SLC52A1: variants seen among roughly 807,000 people sequenced by gnomAD.
The protein encoded by SLC52A1 is solute carrier family 52 member 1, also known as solute carrier family 52, riboflavin transporter, member 1.
SLC52A1 carries 20 observed loss-of-function variants against 23.2 expected under a neutral mutation model. The observed-to-expected ratio is 0.86, with a 90% CI of 0.61 to 1.25. The LOEUF (loss-of-function observed/expected upper bound fraction) is 1.25. Among genes scored for constraint, SLC52A1 ranks in the 50% most tolerant of loss-of-function variants. The pLI is 0.00. For missense variants in SLC52A1, 528 were observed against 557.0 expected (o/e 0.95, Z 0.52); for synonymous variants, 260 against 256.6 (o/e 1.01, Z -0.13).
chr17:5,035,850 G>A (rs1312981513), upstream of SLC52A1, among the ~76,000 whole-genome samples: 1 of 148,392 alleles, frequency 6.7e-6, no homozygotes, highest in Admixed American at 6.8e-5. Flanking sequence ...GGGACCACAG[G>A]CGAGCATCAC....
upstream of SLC52A1, among the ~76,000 whole-genome samples, chr17:5,036,403 C>CTTTTTTTTT (rs34031349): frequency 3.4e-5 from 2 of 59,204 alleles, no homozygotes; most frequent in Non-Finnish European, 2.9e-5. Flanking sequence ...CTAATTTTTG[C>CTTTTTTTTT]TTTTTTTTTT....
chr17:5,034,686 G>A lies in SLC52A1; in HGVS notation c.-80C>T, dbSNP rs554360538. On this transcript the variant is annotated 5_prime_UTR_variant, in exon 2 of 5. Transcript: ENST00000254853. Reference sequence around the variant, plus strand: ...CCTAGGTAGGTCCAAAGATGCTTTGGTTCTTCTGGAAACTGAAGACCTTCT... The same window carrying A: ...CCTAGGTAGGTCCAAAGATGCTTTGATTCTTCTGGAAACTGAAGACCTTCT... The A allele has an allele frequency of 4.5e-6, 7 of 1,571,194 alleles. No homozygotes were observed. The African/African-American group carries it at 6.8e-5, about 15-fold the overall frequency.
At chr17:5,036,403 CTTTTTTTTTTTTTT>C (rs34031349), upstream of SLC52A1, among the ~76,000 whole-genome samples, 10 of 59,206 alleles carry the variant, frequency 1.7e-4, 1 homozygote, top group South Asian at 1.7e-3. Flanking sequence ...CTAATTTTTG[CTTTTTTTTTTTTTT>C]TTTTTTTTTT....
upstream of SLC52A1, among the ~76,000 whole-genome samples, chr17:5,038,353 C>T (rs1405839323): frequency 6.6e-6 from 1 of 151,854 alleles, no homozygotes; most frequent in East Asian, 1.9e-4. Flanking sequence ...GATTATGCCA[C>T]TGCACTCCAG....
At chr17:5,038,181 A>G (rs975062008), upstream of SLC52A1, among the ~76,000 whole-genome samples, 7 of 151,818 alleles carry the variant, frequency 4.6e-5, no homozygotes, top group Non-Finnish European at 1.0e-4. Flanking sequence ...CAGCCTCCCA[A>G]AGTGCTGGGA....
rs346824 is a variant in SLC52A1, at chr17:5,034,687, T to C, written c.-81A>G. The C allele has an allele frequency of 0.64, 1,002,840 of 1,560,830 alleles. 331,482 individuals are homozygous for C. Among genetic ancestry groups the C allele is most frequent in the African/African-American group, 0.82 (60,207 of 73,596 alleles). On this transcript the variant is annotated 5_prime_UTR_variant, in exon 2 of 5. Transcript: ENST00000254853. ...CTAGGTAGGTCCAAAGATGCTTTGGTTCTTCTGGAAACTGAAGACCTTCTA... is the reference window on the plus strand; with the variant it reads ...CTAGGTAGGTCCAAAGATGCTTTGGCTCTTCTGGAAACTGAAGACCTTCTA...
In SLC52A1 at chr17:5,033,097, C is replaced by T. The variant is rs1418799941; in HGVS notation, c.1207G>A (p.Gly403Arg). 1.2e-6 allele frequency: 2 copies of T among 1,613,766 alleles called. No individual in the cohort carries two copies. Among genetic ancestry groups the T allele is most frequent in the African/African-American group, 1.3e-5 (1 of 75,046 alleles). ...GCTGCCAGCAATGCCGGCCGACCCC[C>T]ACCATGCAGCAGGGAGCTTGCAGCC... ...KVAASSLLHG[G>R]GRPALLAAGV... Residue 403 changes from glycine to arginine, a missense_variant, in exon 5 of 5, where the codon GGG (glycine) becomes AGG (arginine). Gly to Arg is a moderately radical substitution (Grantham distance 125). Coordinates refer to ENST00000254853, the MANE Select transcript of SLC52A1 (RefSeq NM_017986.4).
intron 1 of SLC52A1, among the ~76,000 whole-genome samples, chr17:5,041,113 A>G (rs2143458458): frequency 6.6e-6 from 1 of 150,646 alleles, no homozygotes; most frequent in South Asian, 2.1e-4. Context: ...TTTTTGAGAC[A>G]GGGTCTCTGT....
Position 5,033,696 on chromosome 17 carries a change from G to A in SLC52A1, c.793C>T (p.Pro265Ser), listed in dbSNP as rs1246912671. 1.2e-6 allele frequency: 2 copies of A among 1,614,076 alleles called. No individual in the cohort carries two copies. The highest frequency in any genetic ancestry group is 1.7e-6 in the Non-Finnish European group (2 of 1,180,048). ...EPPSQAAGTI[P>S]GPDPEAHQLF... ...TGATGGGCCTCAGGGTCTGGGCCAG[G>A]GATGGTGCCTGCTGCCTGGCTCGGT... Residue 265 changes from proline (P) to serine (S), a missense_variant, in exon 3 of 5, where the codon CCT becomes TCT. By Grantham distance (74) the Pro-to-Ser change is moderately conservative (BLOSUM62 -1). Coordinates refer to ENST00000254853, the MANE Select transcript of SLC52A1 (RefSeq NM_017986.4).
rs539407250 is a variant in SLC52A1 at position 5,040,764 on chromosome 17, A to G, written c.-107-6051T>C. On this transcript the variant is annotated intron_variant, in intron 1 of 3. Transcript: ENST00000512825. ...CTGTTACTTGGCAGTTCAGTTCACC[A>G]TAAACCTATCATAACCCTATAGCAC... 4.6e-5 allele frequency among the ~76,000 whole-genome samples: 7 copies of G among 151,652 alleles called. No homozygotes were observed. In the South Asian group the frequency reaches 6.3e-4, roughly 14 times the overall value.
upstream of SLC52A1, among the ~76,000 whole-genome samples, chr17:5,038,346 T>G (rs1467350509): frequency 1.3e-5 from 2 of 152,020 alleles, no homozygotes; most frequent in East Asian, 3.9e-4. Context: ...AAGCCATGAT[T>G]ATGCCACTGC....
chr17:5,036,237 C>T (rs1355085559), upstream of SLC52A1, among the ~76,000 whole-genome samples: 1 of 150,958 alleles, frequency 6.6e-6, no homozygotes, highest in African/African-American at 2.4e-5. Context: ...GCCATGTTAG[C>T]TAGGCTGGTC....
upstream of SLC52A1, among the ~76,000 whole-genome samples, chr17:5,035,772 A>G (rs1249240068): frequency 4.9e-5 from 7 of 142,982 alleles, no homozygotes; most frequent in Non-Finnish European, 1.1e-4. Context: ...GCGGCTCACT[A>G]CAGCCTCAAC....
Position 5,034,306 on chromosome 17 carries a change from A to C in SLC52A1, c.183T>G (p.Gly61=), listed in dbSNP as rs1318053716. Reference sequence around the variant, plus strand: ...GCCTCCACAGGGTCACCACCAGCAGACCCAGGTTTCCCAGCGCCACAACCA... The same window carrying C: ...GCCTCCACAGGGTCACCACCAGCAGCCCCAGGTTTCCCAGCGCCACAACCA... The part of the protein sequence containing the change: ...LSVVVALGNL[G]LLVVTLWRQL... The change falls in exon 3 of 5, where the codon GGT becomes GGG. Residue 61 remains glycine (G), a synonymous_variant. Transcript: ENST00000254853. 1 of 1,596,142 alleles carries C rather than the reference A, an allele frequency of 6.3e-7. No homozygotes were observed. Among genetic ancestry groups the C allele is most frequent in the Admixed American group, 1.7e-5 (1 of 57,430 alleles).
chr17:5,032,694 A>G lies in SLC52A1; in HGVS notation c.*263T>C, dbSNP rs1975339955. 2.5e-6 allele frequency: 1 copy of G among 394,560 alleles called. No individual in the cohort carries two copies. Among genetic ancestry groups the G allele is most frequent in the Non-Finnish European group, 4.6e-6 (1 of 219,382 alleles). The allele number at this position is 394,560 out of a possible 1,614,324, so 24.4% of individuals were successfully genotyped here. A position where few individuals can be genotyped will look rare whatever the true frequency, so the allele number is the denominator to read the frequency against. On this transcript the variant is annotated 3_prime_UTR_variant, in exon 5 of 5. Coordinates refer to ENST00000254853, the MANE Select transcript of SLC52A1 (RefSeq NM_017986.4). ...GGCTTTTGTTTTTGTTTTTGGTTTT[A>G]AATAAAAACACTTTATTGCACAAAT...
Position 5,033,695 on chromosome 17 carries a change from G to A in SLC52A1, c.794C>T (p.Pro265Leu). The change falls in exon 3 of 5, where the codon CCT (proline) becomes CTT (leucine). Residue 265 changes from proline to leucine, a missense_variant. Transcript: ENST00000254853. Reference sequence around the variant, plus strand: ...CTGATGGGCCTCAGGGTCTGGGCCAGGGATGGTGCCTGCTGCCTGGCTCGG... The same window carrying A: ...CTGATGGGCCTCAGGGTCTGGGCCAAGGATGGTGCCTGCTGCCTGGCTCGG... ...EPPSQAAGTI[P>L]GPDPEAHQLF... The A allele has an allele frequency of 1.2e-6, 2 of 1,614,050 alleles. No homozygotes were observed. Among genetic ancestry groups the A allele is most frequent in the Non-Finnish European group, 1.7e-6 (2 of 1,180,040 alleles).
rs184838357 is a variant in SLC52A1 at position 5,033,498 on chromosome 17, C to G, written c.991G>C (p.Ala331Pro). The change falls in exon 3 of 5, where the codon GCC (alanine) becomes CCC (proline). Residue 331 changes from alanine (A) to proline (P), a missense_variant. Physicochemically the swap from Ala to Pro is conservative, Grantham distance 27 (BLOSUM62 -1). Transcript: ENST00000254853. ...TTGCACCTGCACAGCACGCCCATGG[C>G]CAGGAAGCAGGCAAGGGGGTTGGCG... ...SAANPLACFL[A>P]MGVLCRSLAG... 2.4e-5 allele frequency: 39 copies of G among 1,612,056 alleles called. No individual in the cohort carries two copies. The Admixed American group carries it at 6.5e-4, about 27-fold the overall frequency.
upstream of SLC52A1, among the ~76,000 whole-genome samples, chr17:5,035,951 C>T (rs1054123866): frequency 3.0e-5 from 4 of 132,276 alleles, no homozygotes; most frequent in Admixed American, 1.8e-4. Flanking sequence ...CACTCCTGGG[C>T]TCAAGCAATC....
At chr17:5,037,539 T>A (rs891409445), upstream of SLC52A1, among the ~76,000 whole-genome samples, 5 of 151,896 alleles carry the variant, frequency 3.3e-5, no homozygotes, top group Non-Finnish European at 7.4e-5. Context: ...CAAAAAAAAA[T>A]TTCAGTGTCC....
Sources: gnomAD v4.1 joint callset for allele counts (sites outside exome capture counted in the v4.1 genomes callset) on GRCh38, gnomAD v4.1.1 for gene constraint, MANE v1.5 for transcripts, NCBI Gene and HGNC (gene_info 2026-07-23, HGNC 2026-07-21) for gene names.